Variants in STIM2 observed in about 807,000 individuals in gnomAD.
STIM2 encodes stromal interaction molecule 2.
In STIM2, 31 loss-of-function variants were observed where a neutral mutation model predicts 85.8. That is an observed-to-expected ratio of 0.36 (90% CI 0.27 to 0.49). STIM2 has a LOEUF of 0.49. Ranked by LOEUF, STIM2 falls within the 20% of genes least tolerant of loss-of-function variation. The pLI, the probability that STIM2 is intolerant of heterozygous loss-of-function variation, is 0.98. For synonymous variants in STIM2, 356 were observed against 331.1 expected, an observed-to-expected ratio of 1.08 and a Z score of -0.82; for missense variants, 841 against 927.6, an observed-to-expected ratio of 0.91 and a Z score of 1.21.
chr4:27,014,045 T>TA (rs1363197506), intron 10 of STIM2, among the ~76,000 whole-genome samples: 5 of 151,990 alleles, frequency 3.3e-5, no homozygotes, highest in African/African-American at 1.2e-4. Context: ...TTATATGATG[T>TA]AAAAAATCTC....
chr4:26,861,604 G>C, intron 1 of STIM2: 1 of 449,434 alleles, frequency 2.2e-6, no homozygotes, highest in Non-Finnish European at 3.5e-6. Context: ...CCTCCCTTCA[G>C]TCGGGCTCTC....
intron 5 of STIM2, among the ~76,000 whole-genome samples, chr4:26,999,890 TA>T (rs2109129354): frequency 6.6e-6 from 1 of 152,306 alleles, no homozygotes; most frequent in African/African-American, 2.4e-5. Context: ...GAGAAAGTGT[TA>T]TGCAATATCT....
chr4:26,911,398 ACTT>A (rs1724334285), intron 1 of STIM2, among the ~76,000 whole-genome samples: 2 of 152,322 alleles, frequency 1.3e-5, no homozygotes, highest in South Asian at 2.1e-4. Context: ...ATTAGCAGGT[ACTT>A]CTTATGCAAA....
At chr4:26,868,176 C>T (rs1230960666) in intron 1 of STIM2, among the ~76,000 whole-genome samples, 1 of 152,178 alleles carries the variant, frequency 6.6e-6, no homozygotes, top group Non-Finnish European at 1.5e-5. Context: ...TGGTAACTCC[C>T]CTCCAGTACA....
chr4:26,897,225 T>C (rs1723740768), intron 1 of STIM2, among the ~76,000 whole-genome samples: 1 of 152,244 alleles, frequency 6.6e-6, no homozygotes, highest in Admixed American at 6.5e-5. Context: ...AGAGTGGCAG[T>C]ATCATTTTAC....
At chr4:27,005,768 A>G (rs998711764) in intron 7 of STIM2, among the ~76,000 whole-genome samples, 1 of 152,168 alleles carries the variant, frequency 6.6e-6, no homozygotes, top group Non-Finnish European at 1.5e-5. Flanking sequence ...TTCAGCTTCA[A>G]TTTATGCTAA....
At chr4:26,913,361 C>T (rs987402080) in intron 1 of STIM2, among the ~76,000 whole-genome samples, 7 of 151,930 alleles carry the variant, frequency 4.6e-5, no homozygotes, top group East Asian at 1.9e-4. Flanking sequence ...ACTTTATTTT[C>T]GACTTCATGG....
At chr4:26,894,852 T>C (rs1723636601) in intron 1 of STIM2, among the ~76,000 whole-genome samples, 1 of 152,248 alleles carries the variant, frequency 6.6e-6, no homozygotes, top group African/African-American at 2.4e-5. Flanking sequence ...CTGCACTGGT[T>C]CTATTAAATT....
Position 26,927,543 on chromosome 4 carries a change from G to A in STIM2, c.282+7909G>A, listed in dbSNP as rs866466144. ...TGGGGACTGTGGTGGGGTCGGGGGA[G>A]GGGGGAGGGATAGCATTGGGAGATA... On this transcript the variant is annotated intron_variant, in intron 2 of 11. Transcript: ENST00000467087. 1.8e-4 allele frequency among the ~76,000 whole-genome samples: 11 copies of A among 62,806 alleles called. No homozygotes were observed. The South Asian group carries it at 6.5e-3, about 37-fold the overall frequency. 41.2% of individuals were successfully genotyped at this position (62,806 alleles called of 152,430 possible).
At chr4:26,983,080 A>G (rs938262692) in intron 3 of STIM2, among the ~76,000 whole-genome samples, 3 of 152,216 alleles carry the variant, frequency 2.0e-5, no homozygotes, top group Non-Finnish European at 2.9e-5. Context: ...AACCTGTCTC[A>G]TCCCCATGTG....
chr4:27,013,387 C>G lies in STIM2; in HGVS notation c.1490-4324C>G, dbSNP rs899666005. On this transcript the variant is annotated intron_variant, in intron 10 of 11. Transcript: ENST00000467087. ...TTAAACTTTATTATAGGTATGTATG[C>G]ATAGGAAAAACATAGTGTGTATAGA... Among the ~76,000 whole-genome samples, 2 of 151,844 alleles carry G rather than the reference C, an allele frequency of 1.3e-5. 1 individual carries two copies. Among genetic ancestry groups the G allele is most frequent in the Admixed American group, 1.3e-4 (2 of 15,258 alleles).
chr4:26,899,725 C>T (rs1353923838), intron 1 of STIM2, among the ~76,000 whole-genome samples: 1 of 152,128 alleles, frequency 6.6e-6, no homozygotes, highest in Non-Finnish European at 1.5e-5. Flanking sequence ...GTACATGCTA[C>T]ATACATTTTG....
Position 27,023,143 on chromosome 4 carries a change from A to T in STIM2, c.*147A>T. On this transcript the variant is annotated 3_prime_UTR_variant, in exon 12 of 12. Coordinates refer to ENST00000467087, the MANE Select transcript of STIM2 (RefSeq NM_020860.4). ...CCGGATGCCATAGTGGAACATCCAG[A>T]AGGGCAACTGTCTACTGTCTGCTTA... 1.4e-6 allele frequency: 1 copy of T among 725,630 alleles called. No homozygotes were observed. The highest frequency in any genetic ancestry group is 2.3e-6 in the Non-Finnish European group (1 of 430,132). The allele number at this position is 725,630 out of a possible 1,614,324, so 44.9% of individuals were successfully genotyped here. A position where few individuals can be genotyped will look rare whatever the true frequency, so the allele number is the denominator to read the frequency against.
chr4:27,008,123 A>G (rs1728433144), intron 8 of STIM2: 1 of 632,990 alleles, frequency 1.6e-6, no homozygotes, highest in African/African-American at 1.9e-5. Context: ...GCACCATTGT[A>G]GTATAATATA....
intron 3 of STIM2, among the ~76,000 whole-genome samples, chr4:26,986,905 T>C (rs1174439424): frequency 6.6e-6 from 1 of 152,232 alleles, no homozygotes; most frequent in Non-Finnish European, 1.5e-5. Context: ...TTTTCTACAG[T>C]CCTTGTCTTA....
rs779571203 is a variant in STIM2 at position 27,002,255 on chromosome 4, G to A, written c.664G>A (p.Val222Ile). The change falls in exon 6 of 12, where the codon GTT (valine) becomes ATT (isoleucine). Residue 222 changes from valine (V) to isoleucine (I), a missense_variant. This residue lies in a region of STIM2 where 408 missense variants were observed against 525.4 expected (regional missense o/e 0.78). Coordinates refer to ENST00000467087, the MANE Select transcript of STIM2 (RefSeq NM_020860.4). ...CTGGATGAAAGATTTTATCCTCACA[G>A]TTTCTATAGTAATTGGTGTTGGAGG... is the stretch of plus-strand genomic sequence containing the variant. The A allele has an allele frequency of 6.4e-5, 103 of 1,612,272 alleles. No individual in the cohort carries two copies. Among genetic ancestry groups the A allele is most frequent in the Non-Finnish European group, 8.1e-5 (96 of 1,179,548 alleles).
chr4:26,948,902 T>G (rs1725944248), intron 2 of STIM2, among the ~76,000 whole-genome samples: 2 of 152,192 alleles, frequency 1.3e-5, no homozygotes, highest in South Asian at 4.1e-4. Flanking sequence ...TAGAAGATTC[T>G]TGTTAGCTTC....
At position 26,861,075 on chromosome 4, in the gene STIM2, G is replaced by T. The variant is rs1245158820; in HGVS notation, c.-144G>T. The T allele has an allele frequency of 3.4e-6, 4 of 1,189,340 alleles. No homozygotes were observed. The highest frequency in any genetic ancestry group is 3.3e-4 in the Middle Eastern group (1 of 2,992). 73.7% of individuals were successfully genotyped at this position (1,189,340 alleles called of 1,614,324 possible). ...GCGGCCGGAGGAGTCGCCGGCGGCG[G>T]TGGTGGCGCCTCGCGGAGCCGGCGA... On this transcript the variant is annotated 5_prime_UTR_variant, in exon 1 of 12. Transcript: ENST00000467087.
intron 1 of STIM2, among the ~76,000 whole-genome samples, chr4:26,862,676 G>T (rs956890530): frequency 6.6e-6 from 1 of 152,154 alleles, no homozygotes; most frequent in African/African-American, 2.4e-5. Flanking sequence ...AATGGAACTT[G>T]ATACATCAAA....
Sources: allele counts gnomAD v4.1 joint callset (sites outside exome capture counted in the v4.1 genomes callset), GRCh38; gene constraint gnomAD v4.1.1; regional missense constraint gnomAD v4.1.1; transcripts MANE v1.5; gene names NCBI Gene and HGNC (gene_info 2026-07-23, HGNC 2026-07-21).